Variants in DLGAP1 observed in about 807,000 individuals in gnomAD.
DLGAP1 encodes the protein disks large-associated protein 1.
Under a neutral mutation model 90.8 loss-of-function variants are expected in DLGAP1, and 11 were observed. That is an observed-to-expected ratio of 0.12 (90% CI 0.08 to 0.20). The LOEUF (loss-of-function observed/expected upper bound fraction) is 0.20, where lower values mean the gene tolerates loss of function less well. DLGAP1 is among the 10% of genes least tolerant of loss of function. The pLI, the probability that DLGAP1 is intolerant of heterozygous loss-of-function variation, is 1.00. For synonymous variants in DLGAP1, 558 were observed against 540.7 expected, an observed-to-expected ratio of 1.03 and a Z score of -0.44; for missense variants, 1,050 against 1,333.8, an observed-to-expected ratio of 0.79 and a Z score of 3.31.
At chr18:4,233,262 G>C (rs2078337051) in intron 1 of DLGAP1, among the ~76,000 whole-genome samples, 1 of 152,148 alleles carries the variant, frequency 6.6e-6, no homozygotes, top group Non-Finnish European at 1.5e-5. Context: ...CCAGAAAACA[G>C]ATTGAAGTTT....
chr18:3,633,850 A>G (rs1296592843), intron 7 of DLGAP1, among the ~76,000 whole-genome samples: 2 of 152,220 alleles, frequency 1.3e-5, no homozygotes, highest in Admixed American at 6.5e-5. Context: ...AATACTGAAT[A>G]CTACTTGAAT....
intron 7 of DLGAP1, among the ~76,000 whole-genome samples, chr18:3,605,467 A>C (rs2057285428): frequency 6.6e-6 from 1 of 152,250 alleles, no homozygotes; most frequent in African/African-American, 2.4e-5. Flanking sequence ...CATTTTACAC[A>C]GTTAACGTTT....
At chr18:4,361,017 A>G (rs1388583244) in intron 1 of DLGAP1, among the ~76,000 whole-genome samples, 2 of 152,180 alleles carry the variant, frequency 1.3e-5, no homozygotes, top group Non-Finnish European at 2.9e-5. Context: ...AAGATGAGAC[A>G]AAGATAAATC....
chr18:4,436,713 G>T (rs1248179460), intron 1 of DLGAP1, among the ~76,000 whole-genome samples: 2 of 152,122 alleles, frequency 1.3e-5, no homozygotes, highest in Non-Finnish European at 2.9e-5. Context: ...ACTTCAAATA[G>T]AATTGAAGTT....
intron 9 of DLGAP1, among the ~76,000 whole-genome samples, chr18:3,560,529 G>A (rs556843973): frequency 6.8e-6 from 1 of 147,822 alleles, no homozygotes; most frequent in East Asian, 2.0e-4. Context: ...GGCAGAGGTT[G>A]TGGTGAGCCA....
At chr18:3,916,369 C>T (rs1288991270) in intron 3 of DLGAP1, among the ~76,000 whole-genome samples, 2 of 152,166 alleles carry the variant, frequency 1.3e-5, no homozygotes, top group East Asian at 3.9e-4. Context: ...GTAGATAACA[C>T]TTTCCACAGG....
At chr18:4,394,651 A>T (rs2082404166) in intron 1 of DLGAP1, among the ~76,000 whole-genome samples, 2 of 152,344 alleles carry the variant, frequency 1.3e-5, no homozygotes, top group Non-Finnish European at 2.9e-5. Context: ...GTTTATTGTT[A>T]AAATATATCT....
At chr18:3,750,622 G>C in intron 5 of DLGAP1, among the ~76,000 whole-genome samples, 1 of 152,248 alleles carries the variant, frequency 6.6e-6, no homozygotes, top group Middle Eastern at 3.4e-3. Flanking sequence ...CATGAGTCCT[G>C]TATCCTTGAA....
intron 4 of DLGAP1, among the ~76,000 whole-genome samples, chr18:3,822,250 C>A (rs1384539656): frequency 6.6e-6 from 1 of 152,146 alleles, no homozygotes; most frequent in African/African-American, 2.4e-5. Context: ...AGAATTTATA[C>A]CCTTTGTCAC....
intron 4 of DLGAP1, among the ~76,000 whole-genome samples, chr18:3,841,455 C>T (rs1040202233): frequency 2.0e-5 from 3 of 152,056 alleles, no homozygotes; most frequent in East Asian, 3.9e-4. Context: ...CACTGGCAGG[C>T]AGTGAGAAAT....
chr18:3,808,425 T>C (rs1231790386), intron 5 of DLGAP1, among the ~76,000 whole-genome samples: 1 of 152,198 alleles, frequency 6.6e-6, no homozygotes, highest in African/African-American at 2.4e-5. Flanking sequence ...CCTGGGTTTA[T>C]ATCACTGATC....
At chr18:4,289,441 A>G (rs2079790073) in intron 1 of DLGAP1, among the ~76,000 whole-genome samples, 1 of 152,202 alleles carries the variant, frequency 6.6e-6, no homozygotes, top group South Asian at 2.1e-4. Flanking sequence ...AAACATGATG[A>G]AAGTGCTGCT....
At position 3,580,743 on chromosome 18, in the gene DLGAP1, C is replaced by T. The variant is rs1158928885; in HGVS notation, c.1965+1132G>A. ...TCTCAGGACCAGGACAGCCACGCAC[C>T]ATCCCCTCAGGTGTGACCGGAGACT... On this transcript the variant is annotated intron_variant, in intron 8 of 12. Coordinates refer to ENST00000315677, the MANE Select transcript of DLGAP1 (RefSeq NM_004746.4). The T allele has an allele frequency of 8.2e-4, 1,328 of 1,612,732 alleles. 8 individuals carry two copies. The African/African-American group carries it at 0.016, about 19-fold the overall frequency.
intron 2 of DLGAP1, among the ~76,000 whole-genome samples, chr18:4,078,167 G>A (rs1021191158): frequency 2.0e-5 from 3 of 152,120 alleles, no homozygotes; most frequent in African/African-American, 2.4e-5. Flanking sequence ...CAATGGGATC[G>A]AATCTTTACT....
At chr18:3,966,687 C>T (rs139752171) in intron 3 of DLGAP1, among the ~76,000 whole-genome samples, 27 of 152,248 alleles carry the variant, frequency 1.8e-4, no homozygotes, top group African/African-American at 5.5e-4. Context: ...GCAGGAAAGA[C>T]GGGACAGAAG....
intron 4 of DLGAP1, among the ~76,000 whole-genome samples, chr18:3,823,275 T>G (rs895181586): frequency 6.6e-6 from 1 of 152,168 alleles, no homozygotes; most frequent in African/African-American, 2.4e-5. Context: ...AGCAAGCATC[T>G]CTGGACCTGT....
intron 7 of DLGAP1, among the ~76,000 whole-genome samples, chr18:3,674,012 T>C (rs1220209676): frequency 6.6e-6 from 1 of 151,846 alleles, no homozygotes; most frequent in Non-Finnish European, 1.5e-5. Flanking sequence ...CCAGCTAATT[T>C]TTATACTTTA....
At chr18:3,593,823 G>A (rs1205462543) in intron 7 of DLGAP1, 2 of 152,102 alleles carry the variant, frequency 1.3e-5, no homozygotes, top group Non-Finnish European at 2.9e-5. Flanking sequence ...ACGCAACATT[G>A]TTCTCAGCAA....
At position 3,879,982 on chromosome 18, in the gene DLGAP1, G is replaced by A. The variant is rs1264264648; in HGVS notation, c.87C>T (p.Arg29=). The A allele has an allele frequency of 1.2e-6, 2 of 1,612,240 alleles. No individual in the cohort carries two copies. The highest frequency in any genetic ancestry group is 1.7e-6 in the Non-Finnish European group (2 of 1,179,952). ...ACDSLSHHSD[R]KPYLLSPVEH... is the part of the protein sequence containing the mutation. ...CCACTGGGCTCAGCAGGTAGGGCTT[G>A]CGGTCGGAGTGGTGCGACAGCGAGT... is the stretch of plus-strand genomic sequence containing the variant. Residue 29 remains arginine (R), a synonymous_variant, in exon 4 of 13, where the codon CGC becomes CGT. Coordinates refer to ENST00000315677, the MANE Select transcript of DLGAP1 (RefSeq NM_004746.4). This position sits in a 1 kb window ranked among gnomAD's most constrained non-coding sequence, Gnocchi z 6.6.
Sources: allele counts gnomAD v4.1 joint callset (sites outside exome capture counted in the v4.1 genomes callset), GRCh38; gene constraint gnomAD v4.1.1; non-coding constraint Gnocchi (gnomAD v3.1); transcripts MANE v1.5; gene names NCBI Gene and HGNC (gene_info 2026-07-23, HGNC 2026-07-21).